AGBL1: variants seen among roughly 807,000 people sequenced by gnomAD.
AGBL1 encodes AGBL carboxypeptidase 1.
In AGBL1, 130 loss-of-function variants were observed where a neutral mutation model predicts 118.9. The ratio of observed to expected loss-of-function variants is 1.09; its 90% CI spans 0.95 to 1.26. AGBL1 has a LOEUF of 1.26. Ranked by LOEUF, AGBL1 falls within the 50% of genes most tolerant of loss-of-function variation. The pLI, the probability that AGBL1 is intolerant of heterozygous loss-of-function variation, is 0.00. For missense variants in AGBL1, 1,584 were observed against 1,298.1 expected, an observed-to-expected ratio of 1.22 and a Z score of -3.38; for synonymous variants, 555 against 478.9, an observed-to-expected ratio of 1.16 and a Z score of -2.08.
At chr15:86,596,875 A>G (rs1205363112) in intron 21 of AGBL1, among the ~76,000 whole-genome samples, 6 of 151,770 alleles carry the variant, frequency 4.0e-5, no homozygotes, top group Non-Finnish European at 7.4e-5. Context: ...TATGTACTAT[A>G]TTTATTATTT....
intron 18 of AGBL1, among the ~76,000 whole-genome samples, chr15:86,488,098 T>C (rs774408832): frequency 6.6e-6 from 1 of 152,082 alleles, no homozygotes; most frequent in Non-Finnish European, 1.5e-5. Context: ...GTTTTAGTCA[T>C]GGTGTTTCAG....
At chr15:86,769,509 T>C (rs1017092069) in intron 22 of AGBL1, among the ~76,000 whole-genome samples, 4 of 152,124 alleles carry the variant, frequency 2.6e-5, no homozygotes, top group South Asian at 2.1e-4. Context: ...CTCTGAGTTG[T>C]ATTTACTTTT....
chr15:86,823,792 T>A (rs529575577), intron 22 of AGBL1, among the ~76,000 whole-genome samples: 17 of 152,248 alleles, frequency 1.1e-4, no homozygotes, highest in Non-Finnish European at 1.9e-4. Flanking sequence ...TTGGAAAGTC[T>A]GCTGGATCCA....
chr15:86,830,645 C>A (rs1356795434), intron 22 of AGBL1, among the ~76,000 whole-genome samples: 1 of 152,188 alleles, frequency 6.6e-6, no homozygotes, highest in African/African-American at 2.4e-5. Context: ...CAGCAACATA[C>A]ACTGGGCCCT....
intron 16 of AGBL1, among the ~76,000 whole-genome samples, chr15:86,280,969 T>C (rs531784666): frequency 6.6e-6 from 1 of 152,350 alleles, no homozygotes; most frequent in African/African-American, 2.4e-5. Context: ...CAAGCTAGGC[T>C]GTAACAAGCC....
At position 86,522,851 on chromosome 15, in the gene AGBL1, G is replaced by A. The variant is rs1346351278; in HGVS notation, c.2597G>A (p.Trp866Ter). The part of the protein sequence containing the change: ...SLSGEDLNRQ[W>*]LSPSAHLQPT... Reference sequence around the variant, plus strand: ...AGCGGGGAAGATTTGAACAGACAATGGCTTTCTCCCAGTGCTCATCTGCAG... The same window carrying A: ...AGCGGGGAAGATTTGAACAGACAATAGCTTTCTCCCAGTGCTCATCTGCAG... Residue 866 changes from tryptophan (W) to a stop codon, truncating the protein, a stop_gained, in exon 19 of 23, where the codon TGG becomes TAG. Transcript: ENST00000614907. LOFTEE classifies it high-confidence loss of function. The A allele has an allele frequency of 1.2e-6, 2 of 1,613,864 alleles. No individual in the cohort carries two copies. The highest frequency in any genetic ancestry group is 3.3e-5 in the Admixed American group (2 of 60,006).
chr15:86,322,310 T>C (rs533570468), intron 17 of AGBL1, among the ~76,000 whole-genome samples: 139 of 152,242 alleles, frequency 9.1e-4, no homozygotes, highest in Non-Finnish European at 1.6e-3. Context: ...AGTTTTTCTT[T>C]ACCTATTTTG....
chr15:86,198,179 C>T (rs2077845980), intron 5 of AGBL1, among the ~76,000 whole-genome samples: 1 of 152,192 alleles, frequency 6.6e-6, no homozygotes, highest in African/African-American at 2.4e-5. Context: ...CTTGTCATCT[C>T]TTTCTTTGGT....
chr15:86,561,954 T>C (rs2083828577), intron 21 of AGBL1, among the ~76,000 whole-genome samples: 1 of 152,118 alleles, frequency 6.6e-6, no homozygotes, highest in Non-Finnish European at 1.5e-5. Flanking sequence ...GGCTCTCTGT[T>C]TGTCTGTTAT....
At chr15:86,309,888 T>C (rs1328263118) in intron 17 of AGBL1, among the ~76,000 whole-genome samples, 1 of 152,224 alleles carries the variant, frequency 6.6e-6, no homozygotes, top group African/African-American at 2.4e-5. Flanking sequence ...GCCTATAATT[T>C]TCTTTTCTTA....
At chr15:86,150,528 AATG>A (rs1359869271) in intron 3 of AGBL1, among the ~76,000 whole-genome samples, 8 of 152,216 alleles carry the variant, frequency 5.3e-5, no homozygotes, top group Non-Finnish European at 1.2e-4. Flanking sequence ...ATCTAGAAGA[AATG>A]GATAAATTCC....
At chr15:86,715,544 C>T (rs2086624784) in intron 22 of AGBL1, among the ~76,000 whole-genome samples, 1 of 152,044 alleles carries the variant, frequency 6.6e-6, no homozygotes, top group Non-Finnish European at 1.5e-5. Flanking sequence ...AGAATAGTTA[C>T]TGATTGATGT....
At chr15:86,162,451 A>G (rs2077280132) in intron 5 of AGBL1, among the ~76,000 whole-genome samples, 1 of 152,194 alleles carries the variant, frequency 6.6e-6, no homozygotes, top group Non-Finnish European at 1.5e-5. Context: ...GATTTACAAC[A>G]GAAGCTCCAA....
intron 17 of AGBL1, among the ~76,000 whole-genome samples, chr15:86,318,952 T>C (rs1168540578): frequency 2.0e-5 from 3 of 152,170 alleles, no homozygotes; most frequent in South Asian, 2.1e-4. Context: ...GATTAAATGA[T>C]CAGTTTTCCC....
At chr15:86,506,844 C>T (rs997111578) in intron 18 of AGBL1, among the ~76,000 whole-genome samples, 2 of 152,012 alleles carry the variant, frequency 1.3e-5, no homozygotes, top group African/African-American at 4.8e-5. Flanking sequence ...GAGATTTTCT[C>T]ACCTTTAATG....
intron 21 of AGBL1, among the ~76,000 whole-genome samples, chr15:86,652,168 G>A (rs953118489): frequency 3.9e-5 from 6 of 152,140 alleles, no homozygotes; most frequent in Admixed American, 3.9e-4. Context: ...CAATTTAAAT[G>A]TCATTTTAGG....
intron 5 of AGBL1, among the ~76,000 whole-genome samples, chr15:86,213,542 C>T (rs911827904): frequency 1.3e-5 from 2 of 152,110 alleles, no homozygotes; most frequent in Non-Finnish European, 2.9e-5. Context: ...GAGTCTGAGG[C>T]ACAGTGCATG....
chr15:86,275,029 C>T (rs1450520409), intron 15 of AGBL1, among the ~76,000 whole-genome samples: 1 of 152,032 alleles, frequency 6.6e-6, no homozygotes, highest in African/African-American at 2.4e-5. Flanking sequence ...ATTCATTTTT[C>T]CCTGCCTCTC....
At chr15:86,399,098 G>A (rs557399019) in intron 18 of AGBL1, among the ~76,000 whole-genome samples, 88 of 152,266 alleles carry the variant, frequency 5.8e-4, no homozygotes, top group South Asian at 1.7e-3. Context: ...AAGCACATGG[G>A]AAAACTGGGA....
Sources: allele counts gnomAD v4.1 joint callset (sites outside exome capture counted in the v4.1 genomes callset), GRCh38; gene constraint gnomAD v4.1.1; transcripts MANE v1.5; gene names NCBI Gene and HGNC (gene_info 2026-07-23, HGNC 2026-07-21).